The following CDH8 variants were observed in gnomAD, a reference collection of about 807,000 sequenced individuals.
The protein encoded by CDH8 is cadherin 8, also known as cadherin-8.
In CDH8, 17 loss-of-function variants were observed where a neutral mutation model predicts 68.1. The ratio of observed to expected loss-of-function variants is 0.25; its 90% CI spans 0.17 to 0.37. The LOEUF (loss-of-function observed/expected upper bound fraction) is 0.37. Ranked by LOEUF, CDH8 falls within the 10% of genes least tolerant of loss-of-function variation. CDH8 has a pLI of 1.00. For missense variants in CDH8, 763 were observed against 999.3 expected, an observed-to-expected ratio of 0.76 and a Z score of 3.19; for synonymous variants, 372 against 365.1, an observed-to-expected ratio of 1.02 and a Z score of -0.21.
chr16:61,881,882 C>G (rs1963584994), intron 3 of CDH8, among the ~76,000 whole-genome samples: 1 of 152,146 alleles, frequency 6.6e-6, no homozygotes, highest in African/African-American at 2.4e-5. Context: ...CACTGGGGAG[C>G]ACATTTCTAT....
At chr16:61,820,314 G>GTTTTTTTTTTT (rs545670875) in intron 6 of CDH8, among the ~76,000 whole-genome samples, 3 of 90,776 alleles carry the variant, frequency 3.3e-5, no homozygotes, top group Admixed American at 1.3e-4. Context: ...TGCCTGTTTG[G>GTTTTTTTTTTT]TTTTTTTTTT....
intron 2 of CDH8, among the ~76,000 whole-genome samples, chr16:61,931,604 C>A (rs1964540630): frequency 6.6e-6 from 1 of 152,150 alleles, no homozygotes; most frequent in South Asian, 2.1e-4. Context: ...ATATTAGAAA[C>A]CCCCACTTTC....
intron 3 of CDH8, among the ~76,000 whole-genome samples, chr16:61,896,609 A>G (rs1963872434): frequency 6.6e-6 from 1 of 152,200 alleles, no homozygotes; most frequent in Non-Finnish European, 1.5e-5. Flanking sequence ...ATTCACCTTC[A>G]TGAGAAATGA....
intron 2 of CDH8, among the ~76,000 whole-genome samples, chr16:61,908,237 G>A (rs1241362885): frequency 1.3e-5 from 2 of 152,128 alleles, no homozygotes; most frequent in Non-Finnish European, 2.9e-5. Flanking sequence ...CTGGGCAGCT[G>A]GCTATCAAGC....
At chr16:61,835,259 ATT>A (rs1962544134) in intron 4 of CDH8, among the ~76,000 whole-genome samples, 1 of 151,942 alleles carries the variant, frequency 6.6e-6, no homozygotes, top group African/African-American at 2.4e-5. Flanking sequence ...ATGTGTAAAA[ATT>A]ACTTCCTTAC....
At chr16:61,888,898 T>C (rs971163428) in intron 3 of CDH8, among the ~76,000 whole-genome samples, 2 of 152,200 alleles carry the variant, frequency 1.3e-5, no homozygotes, top group Non-Finnish European at 2.9e-5. Flanking sequence ...AGATTCATAA[T>C]TGATAGACAA....
chr16:61,669,251 C>A (rs1963742830), intron 10 of CDH8, among the ~76,000 whole-genome samples: 1 of 152,018 alleles, frequency 6.6e-6, no homozygotes, highest in African/African-American at 2.4e-5. Flanking sequence ...ATCTTAAATT[C>A]TTTCAAGTCT....
intron 4 of CDH8, among the ~76,000 whole-genome samples, chr16:61,828,535 AT>A: frequency 6.6e-6 from 1 of 151,792 alleles, no homozygotes. Flanking sequence ...ATTTTTCTTA[AT>A]TTTTTTAACA....
chr16:61,706,045 AT>A (rs1341697758), intron 10 of CDH8, among the ~76,000 whole-genome samples: 1 of 152,204 alleles, frequency 6.6e-6, no homozygotes, highest in African/African-American at 2.4e-5. Context: ...GAATGAATGA[AT>A]AAGGGAAAAA....
intron 2 of CDH8, among the ~76,000 whole-genome samples, chr16:61,990,467 T>C (rs1965696534): frequency 6.6e-6 from 1 of 151,846 alleles, no homozygotes; most frequent in Non-Finnish European, 1.5e-5. Flanking sequence ...GCGTGTATTT[T>C]AGCTCAAGTC....
At chr16:61,996,325 T>C (rs1472265786) in intron 2 of CDH8, among the ~76,000 whole-genome samples, 1 of 152,198 alleles carries the variant, frequency 6.6e-6, no homozygotes, top group Non-Finnish European at 1.5e-5. Context: ...TGGCAAACTC[T>C]GCACATGGGG....
At chr16:61,846,018 T>C (rs879143535) in intron 4 of CDH8, among the ~76,000 whole-genome samples, 1 of 152,114 alleles carries the variant, frequency 6.6e-6, no homozygotes, top group African/African-American at 2.4e-5. Flanking sequence ...AATTAGAGTT[T>C]TGCTCCAAGT....
intron 8 of CDH8, among the ~76,000 whole-genome samples, chr16:61,755,767 TTCTC>T (rs1960296509): frequency 1.5e-5 from 1 of 67,864 alleles, no homozygotes; most frequent in Non-Finnish European, 3.6e-5. Flanking sequence ...TTTCTTCTTC[TTCTC>T]CTTCTCCTTC....
intron 7 of CDH8, among the ~76,000 whole-genome samples, chr16:61,816,316 A>G (rs1237693560): frequency 6.6e-6 from 1 of 152,192 alleles, no homozygotes; most frequent in Non-Finnish European, 1.5e-5. Context: ...TTTTAATCTC[A>G]GCCTCATAGT....
intron 7 of CDH8, among the ~76,000 whole-genome samples, chr16:61,816,680 G>A (rs1252464733): frequency 6.6e-6 from 1 of 152,090 alleles, no homozygotes; most frequent in Non-Finnish European, 1.5e-5. Flanking sequence ...TTTTCAGTGT[G>A]CTTTCAGGAG....
At chr16:61,922,352 G>A (rs1016098250) in intron 2 of CDH8, among the ~76,000 whole-genome samples, 5 of 151,944 alleles carry the variant, frequency 3.3e-5, no homozygotes, top group African/African-American at 4.8e-5. Context: ...TGAGGAATTC[G>A]CGTTTACTGT....
chr16:61,877,133 T>G (rs1352673955), intron 3 of CDH8, among the ~76,000 whole-genome samples: 1 of 152,158 alleles, frequency 6.6e-6, no homozygotes, highest in Non-Finnish European at 1.5e-5. Context: ...TTTGTTTTTC[T>G]TTTTACAGAG....
chr16:61,699,436 T>G (rs914483732), intron 10 of CDH8, among the ~76,000 whole-genome samples: 2 of 152,240 alleles, frequency 1.3e-5, no homozygotes, highest in African/African-American at 2.4e-5. Context: ...ATTAAGAAAT[T>G]AAATGAGTAA....
At chr16:61,997,409 T>G (rs1965823057) in intron 2 of CDH8, among the ~76,000 whole-genome samples, 1 of 152,186 alleles carries the variant, frequency 6.6e-6, no homozygotes, top group African/African-American at 2.4e-5. Context: ...ATATTTTCTC[T>G]TGCTCCTACC....
Sources: gnomAD v4.1 joint callset for allele counts (sites outside exome capture counted in the v4.1 genomes callset) on GRCh38, gnomAD v4.1.1 for gene constraint, MANE v1.5 for transcripts, NCBI Gene and HGNC (gene_info 2026-07-23, HGNC 2026-07-21) for gene names.